Variants in CEP70 observed in about 807,000 individuals in gnomAD.
CEP70 encodes the protein centrosomal protein 70, also known as centrosomal protein of 70 kDa.
CEP70 carries 70 observed loss-of-function variants against 90.9 expected under a neutral mutation model. The ratio of observed to expected loss-of-function variants is 0.77; its 90% CI spans 0.64 to 0.94. The LOEUF (loss-of-function observed/expected upper bound fraction) is 0.94, where lower values mean the gene tolerates loss of function less well. Ranked by LOEUF, CEP70 falls within the 40% of genes least tolerant of loss-of-function variation. CEP70 has a pLI of 0.00. For missense variants in CEP70, 648 were observed against 669.0 expected (o/e 0.97, Z 0.35); for synonymous variants, 220 against 228.3 (o/e 0.96, Z 0.33).
rs1355555103 is a variant in CEP70, at chr3:138,524,051, A to G, written c.944+1439T>C. ...TACATAGAACAATGGAACAGAACAG[A>G]GCCCTCAGAAATAATGCCACATATC... On this transcript the variant is annotated intron_variant, in intron 11 of 17. Coordinates refer to ENST00000264982, the MANE Select transcript of CEP70 (RefSeq NM_024491.4). Among the ~76,000 whole-genome samples, 2 of 104,004 alleles carry G rather than the reference A, an allele frequency of 1.9e-5. 1 individual carries two copies. The highest frequency in any genetic ancestry group is 3.8e-5 in the Non-Finnish European group (2 of 53,240). The allele number at this position is 104,004 out of a possible 152,430, so 68.2% of individuals were successfully genotyped here. A position where few individuals can be genotyped will look rare whatever the true frequency, so the allele number is the denominator to read the frequency against.
intron 6 of CEP70, among the ~76,000 whole-genome samples, chr3:138,557,428 G>T (rs138510184): frequency 0.034 from 5,176 of 152,278 alleles, 132 homozygotes; most frequent in Middle Eastern, 0.054. Context: ...AATCACAAGG[G>T]TATTGATTGG....
intron 12 of CEP70, among the ~76,000 whole-genome samples, chr3:138,506,686 T>C (rs1560286980): frequency 2.0e-5 from 3 of 152,192 alleles, no homozygotes; most frequent in Admixed American, 1.3e-4. Context: ...ATTTAGAAGC[T>C]TTTTAAGTCC....
At position 138,494,348 on chromosome 3, in the gene CEP70, G is replaced by C. The variant is rs2033845340; in HGVS notation, c.*667C>G. On this transcript the variant is annotated 3_prime_UTR_variant, in exon 18 of 18. Transcript: ENST00000264982. ...GCATCACTGAGGACACTTATGTTTG[G>C]AAATTCTTTACAGAAATTTTATTTG... 6.6e-6 allele frequency: 1 copy of C among 152,114 alleles called. No individual in the cohort carries two copies. Among genetic ancestry groups the C allele is most frequent in the African/African-American group, 2.4e-5 (1 of 41,426 alleles). 9.4% of individuals were successfully genotyped at this position (152,114 alleles called of 1,614,324 possible). A position where few individuals can be genotyped will look rare whatever the true frequency, so the allele number is the denominator to read the frequency against.
At position 138,571,052 on chromosome 3, in the gene CEP70, T is replaced by C. The variant is rs1560436080; in HGVS notation, c.266A>G (p.Glu89Gly). Residue 89 changes from glutamate to glycine, a missense_variant, in exon 5 of 18, where the codon GAA becomes GGA. Coordinates refer to ENST00000264982, the MANE Select transcript of CEP70 (RefSeq NM_024491.4). ...CQQNMIQELI[E>G]TNQQLRNELQ... ...TTCTCACCTAAGCTGTTGATTAGTT[T>C]CTATAAGCTCCTGTATCATGTTCTG... The C allele has an allele frequency of 6.3e-7, 1 of 1,592,600 alleles. No homozygotes were observed. The highest frequency in any genetic ancestry group is 1.8e-5 in the Admixed American group (1 of 56,338).
At chr3:138,515,473 A>AAG (rs2035925058) in intron 11 of CEP70, among the ~76,000 whole-genome samples, 1 of 150,984 alleles carries the variant, frequency 6.6e-6, no homozygotes, top group African/African-American at 2.4e-5. Flanking sequence ...AATGCAAAAA[A>AAG]AAAAAAAAAA....
intron 11 of CEP70, among the ~76,000 whole-genome samples, chr3:138,518,149 T>C (rs901162086): frequency 6.6e-6 from 1 of 152,176 alleles, no homozygotes; most frequent in Non-Finnish European, 1.5e-5. Context: ...GCGCCCGACA[T>C]TGCTGAGGCT....
At chr3:138,537,017 AAAG>A in intron 7 of CEP70, 158 bp downstream of exon 7, 1 of 405,938 alleles carries the variant, frequency 2.5e-6, no homozygotes, top group Non-Finnish European at 4.2e-6. Flanking sequence ...AAAAAAAAAA[AAAG>A]AACAGGATGA....
chr3:138,497,427 A>T (rs1488169260), intron 17 of CEP70: 5 of 1,129,846 alleles, frequency 4.4e-6, no homozygotes, highest in Non-Finnish European at 5.5e-6. Context: ...TAATAGTAAG[A>T]TAAATAATTT....
At chr3:138,518,520 G>T (rs1037472538) in intron 11 of CEP70, among the ~76,000 whole-genome samples, 4 of 152,150 alleles carry the variant, frequency 2.6e-5, no homozygotes, top group Non-Finnish European at 5.9e-5. Context: ...CATTTGCTGT[G>T]CACCAATATC....
chr3:138,518,231 G>A (rs912949438), intron 11 of CEP70, among the ~76,000 whole-genome samples: 3 of 152,210 alleles, frequency 2.0e-5, no homozygotes, highest in Non-Finnish European at 4.4e-5. Flanking sequence ...AAGCCTGCCT[G>A]TCTCTGTAGA....
At chr3:138,531,909 A>G (rs1576681422) in intron 8 of CEP70, among the ~76,000 whole-genome samples, 1 of 152,186 alleles carries the variant, frequency 6.6e-6, no homozygotes, top group South Asian at 2.1e-4. Flanking sequence ...TAGGTGCTCA[A>G]ATAAATATTT....
chr3:138,519,175 G>C (rs1306430219), intron 11 of CEP70, among the ~76,000 whole-genome samples: 1 of 152,176 alleles, frequency 6.6e-6, no homozygotes, highest in Non-Finnish European at 1.5e-5. Context: ...AGAAACATGG[G>C]ACTATGTGAA....
chr3:138,565,573 A>G (rs1366351652), intron 6 of CEP70, among the ~76,000 whole-genome samples: 1 of 152,248 alleles, frequency 6.6e-6, no homozygotes, highest in Non-Finnish European at 1.5e-5. Context: ...AACCTGACAA[A>G]AACAAGAAAT....
intron 10 of CEP70, among the ~76,000 whole-genome samples, chr3:138,527,187 A>T (rs73229526): frequency 1.3e-5 from 2 of 151,638 alleles, no homozygotes; most frequent in Non-Finnish European, 2.9e-5. Context: ...TTTTGTTTTA[A>T]GAGACAGAGT....
chr3:138,580,839 G>A (rs1354209073), intron 2 of CEP70, among the ~76,000 whole-genome samples: 2 of 152,078 alleles, frequency 1.3e-5, no homozygotes, highest in Non-Finnish European at 2.9e-5. Context: ...ATTTTTTAAA[G>A]TCAAGCAGAA....
At chr3:138,503,704 C>A (rs1244632042) in intron 13 of CEP70, among the ~76,000 whole-genome samples, 3 of 151,954 alleles carry the variant, frequency 2.0e-5, no homozygotes, top group Non-Finnish European at 4.4e-5. Context: ...AATTCCTTGC[C>A]TCCTCCTCCT....
intron 8 of CEP70, chr3:138,530,567 G>C (rs1179139148): frequency 1.0e-6 from 1 of 985,162 alleles, no homozygotes; most frequent in African/African-American, 1.7e-5. Context: ...GACAAGCAGA[G>C]AAGCTTTTGC....
Position 138,570,991 on chromosome 3 carries a change from A to G in CEP70, c.284+43T>C, listed in dbSNP as rs767557888. 4.2e-6 allele frequency: 6 copies of G among 1,445,178 alleles called. No individual in the cohort carries two copies. In the Admixed American group the frequency reaches 1.5e-4, roughly 36 times the overall value. The allele number at this position is 1,445,178 out of a possible 1,614,324, so 89.5% of individuals were successfully genotyped here. A position where few individuals can be genotyped will look rare whatever the true frequency, so the allele number is the denominator to read the frequency against. On this transcript the variant is annotated intron_variant, in intron 5 of 17. Transcript: ENST00000264982. Reference sequence around the variant, plus strand: ...TTTTTTCAAGGCAGTTATTTTTAGAACGCATACAAACAATTCAAAAGAAAT... The same window carrying G: ...TTTTTTCAAGGCAGTTATTTTTAGAGCGCATACAAACAATTCAAAAGAAAT...
At chr3:138,511,225 C>G (rs553911259) in intron 11 of CEP70, among the ~76,000 whole-genome samples, 3 of 152,190 alleles carry the variant, frequency 2.0e-5, no homozygotes, top group African/African-American at 7.2e-5. Flanking sequence ...TACTACTTCC[C>G]TACAATTACC....
Sources: allele counts gnomAD v4.1 joint callset (sites outside exome capture counted in the v4.1 genomes callset), GRCh38; gene constraint gnomAD v4.1.1; transcripts MANE v1.5; gene names NCBI Gene and HGNC (gene_info 2026-07-23, HGNC 2026-07-21).